The following MARCHF1 variants were observed in gnomAD, a reference collection of about 807,000 sequenced individuals.
MARCHF1 encodes the protein E3 ubiquitin-protein ligase MARCHF1.
MARCHF1 carries 40 observed loss-of-function variants against 54.2 expected under a neutral mutation model. That is an observed-to-expected ratio of 0.74 (90% CI 0.57 to 0.96). MARCHF1 has a LOEUF of 0.96. Ranked by LOEUF, MARCHF1 falls within the 40% of genes least tolerant of loss-of-function variation. MARCHF1 has a pLI of 0.00. For missense variants in MARCHF1, 586 were observed against 656.5 expected, an observed-to-expected ratio of 0.89 and a Z score of 1.17; for synonymous variants, 236 against 236.3, an observed-to-expected ratio of 1.00 and a Z score of 0.01.
chr4:163,955,732 TGAC>T (rs1752219968), intron 3 of MARCHF1, among the ~76,000 whole-genome samples: 1 of 152,170 alleles, frequency 6.6e-6, no homozygotes, highest in Non-Finnish European at 1.5e-5. Flanking sequence ...CAATAGATTG[TGAC>T]CCTCTCTAGG....
chr4:163,582,305 C>A (rs1014480379), intron 8 of MARCHF1, among the ~76,000 whole-genome samples: 3 of 152,078 alleles, frequency 2.0e-5, no homozygotes, highest in Non-Finnish European at 4.4e-5. Flanking sequence ...GGTAGCTGGG[C>A]TACTGACTTA....
At chr4:164,197,209 T>TC in intron 1 of MARCHF1, 2 of 1,609,930 alleles carry the variant, frequency 1.2e-6, no homozygotes, top group Non-Finnish European at 1.7e-6. Context: ...ATGCTCACCC[T>TC]CCTCCTCGTC....
intron 2 of MARCHF1, among the ~76,000 whole-genome samples, chr4:164,096,748 C>T (rs1026886851): frequency 6.6e-6 from 1 of 152,028 alleles, no homozygotes; most frequent in African/African-American, 2.4e-5. Flanking sequence ...ACCTTGTACC[C>T]ATATGACAAT....
intron 1 of MARCHF1, among the ~76,000 whole-genome samples, chr4:164,331,526 T>G (rs1319414782): frequency 1.3e-5 from 2 of 152,230 alleles, no homozygotes; most frequent in Non-Finnish European, 1.5e-5. Context: ...ATGTACATTT[T>G]GGGTAATAAT....
chr4:163,737,873 T>C (rs1406892932), intron 4 of MARCHF1, among the ~76,000 whole-genome samples: 1 of 101,968 alleles, frequency 9.8e-6, no homozygotes, highest in African/African-American at 2.8e-5. Context: ...GATCTAGAAC[T>C]AGAAATACCA....
chr4:163,583,150 G>A (rs1441545562), intron 8 of MARCHF1, among the ~76,000 whole-genome samples: 5 of 152,206 alleles, frequency 3.3e-5, no homozygotes, highest in Non-Finnish European at 7.3e-5. Context: ...GAAAGAGAGG[G>A]AAGGCTGAGA....
At chr4:164,242,163 C>A (rs572142053) in intron 1 of MARCHF1, among the ~76,000 whole-genome samples, 16 of 151,272 alleles carry the variant, frequency 1.1e-4, no homozygotes, top group African/African-American at 3.9e-4. Context: ...GTAGGCTCCA[C>A]CTCTGGGGGC....
At chr4:164,086,574 T>G (rs969363253) in intron 2 of MARCHF1, among the ~76,000 whole-genome samples, 3 of 151,956 alleles carry the variant, frequency 2.0e-5, no homozygotes, top group Admixed American at 6.6e-5. Flanking sequence ...TCTTCCATAT[T>G]AAGGACTCAA....
chr4:163,617,484 G>T (rs1362706033), intron 5 of MARCHF1, among the ~76,000 whole-genome samples: 2 of 151,956 alleles, frequency 1.3e-5, no homozygotes, highest in African/African-American at 4.8e-5. Context: ...ATATCACTTG[G>T]TATCCCTAAT....
At chr4:163,594,696 G>A (rs1740701845) in intron 7 of MARCHF1, among the ~76,000 whole-genome samples, 2 of 150,484 alleles carry the variant, frequency 1.3e-5, no homozygotes, top group South Asian at 4.2e-4. Flanking sequence ...TCAGGGAAAT[G>A]CAAATCAGAG....
intron 1 of MARCHF1, among the ~76,000 whole-genome samples, chr4:164,328,719 G>C (rs1579724486): frequency 6.6e-6 from 1 of 151,970 alleles, no homozygotes; most frequent in Non-Finnish European, 1.5e-5. Context: ...TAGTAAAGAC[G>C]GGGTTTCACC....
intron 5 of MARCHF1, among the ~76,000 whole-genome samples, chr4:163,680,600 T>C (rs1328939780): frequency 6.6e-6 from 1 of 152,246 alleles, no homozygotes; most frequent in Admixed American, 6.5e-5. Flanking sequence ...TTGCCACATC[T>C]GAATTCTTCC....
intron 4 of MARCHF1, among the ~76,000 whole-genome samples, chr4:163,818,957 C>A (rs1386540728): frequency 6.6e-6 from 1 of 152,100 alleles, no homozygotes; most frequent in Non-Finnish European, 1.5e-5. Context: ...AAGATTCTGG[C>A]ACCAGGCTCA....
intron 2 of MARCHF1, among the ~76,000 whole-genome samples, chr4:164,102,879 G>A (rs1358330776): frequency 3.2e-5 from 3 of 92,664 alleles, no homozygotes; most frequent in Non-Finnish European, 6.7e-5. Context: ...CATCTCACGT[G>A]CGGAGACACA....
chr4:163,548,868 T>G (rs898213602), intron 8 of MARCHF1, among the ~76,000 whole-genome samples: 13 of 152,242 alleles, frequency 8.5e-5, no homozygotes, highest in Non-Finnish European at 1.8e-4. Context: ...TTAACAAAGC[T>G]GTCATGAAAG....
chr4:163,700,380 C>T lies in MARCHF1; in HGVS notation c.162+433G>A, dbSNP rs561088952. Among the ~76,000 whole-genome samples, 20 of 151,972 alleles carry T rather than the reference C, an allele frequency of 1.3e-4. No individual in the cohort carries two copies. In the South Asian group the frequency reaches 3.1e-3, roughly 24 times the overall value. ...ATTAGCTGGGCATGGTGGTGGGCAC[C>T]GGTAATCCCAGCTACTCAGGAGGCT... On this transcript the variant is annotated intron_variant, in intron 5 of 9. Transcript: ENST00000514618.
chr4:164,297,152 C>A (rs1378920199), intron 1 of MARCHF1, among the ~76,000 whole-genome samples: 1 of 152,130 alleles, frequency 6.6e-6, no homozygotes, highest in Admixed American at 6.5e-5. Flanking sequence ...ATGGTAGGTA[C>A]TATTAAAATT....
chr4:164,223,683 A>G (rs1404897973), intron 1 of MARCHF1, among the ~76,000 whole-genome samples: 1 of 151,808 alleles, frequency 6.6e-6, no homozygotes, highest in Non-Finnish European at 1.5e-5. Flanking sequence ...ATGCCCATCA[A>G]ACTGAATTCA....
chr4:164,007,462 TGTG>T (rs1753319476), intron 2 of MARCHF1, among the ~76,000 whole-genome samples: 1 of 151,796 alleles, frequency 6.6e-6, no homozygotes, highest in Non-Finnish European at 1.5e-5. Context: ...CTACTGTAAT[TGTG>T]GTGTGCAATC....
Sources: allele counts gnomAD v4.1 joint callset (sites outside exome capture counted in the v4.1 genomes callset), GRCh38; gene constraint gnomAD v4.1.1; transcripts MANE v1.5; gene names NCBI Gene and HGNC (gene_info 2026-07-23, HGNC 2026-07-21).